GRIA4: variants seen among roughly 807,000 people sequenced by gnomAD.
The protein encoded by GRIA4 is glutamate receptor 4.
GRIA4 carries 34 observed loss-of-function variants against 104.0 expected under a neutral mutation model. The observed-to-expected ratio is 0.33, with a 90% CI of 0.25 to 0.44. GRIA4 has a LOEUF of 0.44. Ranked by LOEUF, GRIA4 falls within the 20% of genes least tolerant of loss-of-function variation. The probability of loss-of-function intolerance (pLI) is 1.00; values close to 1 mark genes in which losing one functional copy is unlikely to be tolerated. For synonymous variants in GRIA4, 386 were observed against 381.9 expected, an observed-to-expected ratio of 1.01 and a Z score of -0.13; for missense variants, 750 against 1,096.5, an observed-to-expected ratio of 0.68 and a Z score of 4.46.
chr11:105,963,175 T>A (rs1447061868), intron 14 of GRIA4, among the ~76,000 whole-genome samples: 1 of 152,102 alleles, frequency 6.6e-6, no homozygotes. Flanking sequence ...CTTCTTAGCT[T>A]GACAAAAAGT....
chr11:105,898,429 T>C lies in GRIA4; in HGVS notation c.885+2T>C. ...CCAGGATCTGAGACTCCTCCAAAGG[T>C]ATTTGTTTATTTTTATCTACTGTAT... On this transcript the variant is annotated splice_donor_variant, in intron 7 of 16. Coordinates refer to ENST00000282499, the MANE Select transcript of GRIA4 (RefSeq NM_000829.4). LOFTEE classifies it high-confidence loss of function. 6.6e-7 allele frequency: 1 copy of C among 1,526,080 alleles called. No homozygotes were observed. The allele number at this position is 1,526,080 out of a possible 1,614,324, so 94.5% of individuals were successfully genotyped here. A position where few individuals can be genotyped will look rare whatever the true frequency, so the allele number is the denominator to read the frequency against.
intron 4 of GRIA4, among the ~76,000 whole-genome samples, chr11:105,814,601 T>C (rs1015136582): frequency 6.6e-6 from 1 of 152,060 alleles, no homozygotes; most frequent in Admixed American, 6.6e-5. Context: ...GTATATAAAA[T>C]GCGTAGTAGA....
At chr11:105,629,307 T>C (rs866741207) in intron 3 of GRIA4, among the ~76,000 whole-genome samples, 5 of 151,646 alleles carry the variant, frequency 3.3e-5, no homozygotes, top group African/African-American at 1.2e-4. Context: ...ACATTTTCCA[T>C]TTCCATTTAG....
intron 4 of GRIA4, among the ~76,000 whole-genome samples, chr11:105,773,117 T>G (rs1941289528): frequency 1.3e-5 from 2 of 152,148 alleles, no homozygotes. Context: ...CCCCTACTCC[T>G]CCTTCTCATT....
At chr11:105,610,695 G>A in intron 1 of GRIA4, 1 of 322,386 alleles carries the variant, frequency 3.1e-6, no homozygotes. Flanking sequence ...GCCACTAGAC[G>A]CTCCACCACC....
intron 6 of GRIA4, among the ~76,000 whole-genome samples, chr11:105,889,089 A>G (rs932886732): frequency 1.3e-5 from 2 of 152,190 alleles, no homozygotes; most frequent in South Asian, 2.1e-4. Context: ...CTTACAAACA[A>G]TAGAATTGAG....
At chr11:105,749,523 CA>C (rs1276283256) in intron 3 of GRIA4, among the ~76,000 whole-genome samples, 1 of 152,162 alleles carries the variant, frequency 6.6e-6, no homozygotes, top group East Asian at 1.9e-4. Flanking sequence ...CAGTAAAATT[CA>C]GCACATCTCT....
chr11:105,866,545 G>GTATA (rs775973048), intron 5 of GRIA4, among the ~76,000 whole-genome samples: 1 of 71,216 alleles, frequency 1.4e-5, no homozygotes. Context: ...ATGTGTGTGT[G>GTATA]TGTGTGTATA....
chr11:105,622,604 C>A (rs1003905673), intron 3 of GRIA4, among the ~76,000 whole-genome samples: 2 of 151,588 alleles, frequency 1.3e-5, no homozygotes, highest in Non-Finnish European at 3.0e-5. Context: ...AATCCCCATG[C>A]CTCTACCTCC....
rs543408439 is a variant in GRIA4, at chr11:105,815,595, GT to G, written c.488-46427del. 2.6e-5 allele frequency among the ~76,000 whole-genome samples: 4 copies of G among 152,044 alleles called. No individual in the cohort carries two copies. In the East Asian group the frequency reaches 7.8e-4, roughly 29 times the overall value. ...ATCTGCTGTTGATGCCGCTCCAGCT[GT>G]TACTGCCGAAAGCTGAGTGCAAAAC... On this transcript the variant is annotated intron_variant, in intron 4 of 16. Transcript: ENST00000282499.
chr11:105,847,680 G>A (rs1482107185), intron 4 of GRIA4, among the ~76,000 whole-genome samples: 1 of 152,176 alleles, frequency 6.6e-6, no homozygotes, highest in African/African-American at 2.4e-5. Context: ...CCTATGGAAA[G>A]TTATTTTTAG....
At chr11:105,962,619 C>A (rs569467690) in intron 14 of GRIA4, among the ~76,000 whole-genome samples, 16 of 152,072 alleles carry the variant, frequency 1.1e-4, no homozygotes, top group Non-Finnish European at 2.1e-4. Context: ...CATCTCATTA[C>A]TATGAGAAAA....
chr11:105,966,701 GT>G (rs11430319), intron 14 of GRIA4, among the ~76,000 whole-genome samples: 6 of 151,624 alleles, frequency 4.0e-5, no homozygotes, highest in African/African-American at 1.5e-4. Flanking sequence ...TAAAATAATA[GT>G]TTTTTTTATT....
At position 105,753,079 on chromosome 11, in the gene GRIA4, T is replaced by A; in HGVS notation, c.346T>A (p.Ser116Thr). 2 of 1,613,828 alleles carry A rather than the reference T, an allele frequency of 1.2e-6. No homozygotes were observed. The highest frequency in any genetic ancestry group is 1.7e-6 in the Non-Finnish European group (2 of 1,179,840). ...LTSFCSALHI[S>T]LITPSFPTEG... ...CTCATTCTGCAGCGCCTTACATATC[T>A]CCCTCATCACACCAAGTTTCCCTAC... The change falls in exon 4 of 17, where the codon TCC becomes ACC. Residue 116 changes from serine to threonine, a missense_variant. Physicochemically the swap from Ser to Thr is moderately conservative, Grantham distance 58 (BLOSUM62 1). This residue lies in a region of GRIA4 where 410 missense variants were observed against 502.7 expected (regional missense o/e 0.82). Transcript: ENST00000282499.
At chr11:105,857,108 G>C (rs1398464586) in intron 4 of GRIA4, among the ~76,000 whole-genome samples, 1 of 152,122 alleles carries the variant, frequency 6.6e-6, no homozygotes, top group Non-Finnish European at 1.5e-5. Flanking sequence ...ACTGAAACCT[G>C]GGAGTCCAGA....
chr11:105,718,647 G>C (rs1224484974), intron 3 of GRIA4, among the ~76,000 whole-genome samples: 1 of 152,192 alleles, frequency 6.6e-6, no homozygotes, highest in African/African-American at 2.4e-5. Context: ...CCTAACACAT[G>C]CATTGGGTTC....
intron 3 of GRIA4, among the ~76,000 whole-genome samples, chr11:105,738,072 T>C (rs1939069162): frequency 6.7e-6 from 1 of 149,474 alleles, no homozygotes; most frequent in African/African-American, 2.5e-5. Flanking sequence ...CCTCTCATGC[T>C]TAACACATGG....
intron 11 of GRIA4, among the ~76,000 whole-genome samples, chr11:105,920,669 T>C (rs1947533538): frequency 6.6e-6 from 1 of 152,140 alleles, no homozygotes; most frequent in East Asian, 1.9e-4. Context: ...GTTATGTCAG[T>C]CCTATACATG....
At chr11:105,913,140 C>A in intron 10 of GRIA4, 1 of 565,150 alleles carries the variant, frequency 1.8e-6, no homozygotes, top group South Asian at 7.8e-5. Flanking sequence ...TGAGCGTCTG[C>A]TATGTGCTAG....
Sources: allele counts gnomAD v4.1 joint callset (sites outside exome capture counted in the v4.1 genomes callset), GRCh38; gene constraint gnomAD v4.1.1; regional missense constraint gnomAD v4.1.1; transcripts MANE v1.5; gene names NCBI Gene and HGNC (gene_info 2026-07-23, HGNC 2026-07-21).